SPATA13: variants seen among roughly 807,000 people sequenced by gnomAD.
SPATA13 encodes the protein spermatogenesis associated 13, also known as spermatogenesis-associated protein 13.
A neutral mutation model predicts 104.0 loss-of-function variants in SPATA13; 50 were observed. The observed-to-expected ratio is 0.48, with a 90% confidence interval of 0.38 to 0.61. The LOEUF (loss-of-function observed/expected upper bound fraction) is 0.61, where lower values mean the gene tolerates loss of function less well. Among genes scored for constraint, SPATA13 ranks in the 20% least tolerant of loss-of-function variants. The pLI is 0.00. For missense variants in SPATA13, 1,524 were observed against 1,690.6 expected (o/e 0.90, Z 1.73); for synonymous variants, 606 against 667.5 (o/e 0.91, Z 1.42).
intron 3 of SPATA13, among the ~76,000 whole-genome samples, chr13:24,030,918 T>G (rs1877450938): frequency 6.6e-6 from 1 of 152,170 alleles, no homozygotes; most frequent in Non-Finnish European, 1.5e-5. Flanking sequence ...CCCTGAGATT[T>G]TAAAAGGTTA....
At position 24,104,754 on chromosome 13, in the gene SPATA13, G is replaced by T. The variant is rs138143126; in HGVS notation, c.-112+87053G>T. 8.3e-4 allele frequency among the ~76,000 whole-genome samples: 126 copies of T among 152,342 alleles called. 2 individuals carry two copies. Among genetic ancestry groups the T allele is most frequent in the Middle Eastern group, 6.8e-3 (2 of 294 alleles). On this transcript the variant is annotated intron_variant, in intron 3 of 14. Transcript: ENST00000424834. ...TGCTTTGCACATAGTAAGTGCCATA[G>T]ATTTTGATATAATAACTTGTTAGTT...
chr13:24,165,581 C>G (rs553511037), intron 1 of SPATA13, among the ~76,000 whole-genome samples: 1 of 152,086 alleles, frequency 6.6e-6, no homozygotes, highest in East Asian at 1.9e-4. Flanking sequence ...GGTTGCACCC[C>G]CCACCCACCC....
At chr13:24,107,774 A>T (rs58617156) in intron 3 of SPATA13, among the ~76,000 whole-genome samples, 14,780 of 152,082 alleles carry the variant, frequency 0.097, 905 homozygotes, top group African/African-American at 0.17. Flanking sequence ...TCTGTTTTAG[A>T]CTTTGGTGGG....
chr13:24,180,262 T>C (rs1868714217), intron 1 of SPATA13, among the ~76,000 whole-genome samples: 1 of 152,210 alleles, frequency 6.6e-6, no homozygotes, highest in Non-Finnish European at 1.5e-5. Context: ...TCTTTCACCA[T>C]TGAATGGTCT....
chr13:24,284,762 A>G (rs1875801204), intron 5 of SPATA13, among the ~76,000 whole-genome samples: 1 of 152,210 alleles, frequency 6.6e-6, no homozygotes, highest in Non-Finnish European at 1.5e-5. Flanking sequence ...TTTTTAGGTA[A>G]GGAACAGCAG....
At chr13:23,999,466 A>T (rs1428946127) in intron 2 of SPATA13, among the ~76,000 whole-genome samples, 1 of 151,994 alleles carries the variant, frequency 6.6e-6, no homozygotes, top group Non-Finnish European at 1.5e-5. Context: ...AACAATATTG[A>T]ATCTTCCAAC....
At chr13:24,042,940 A>G (rs1468371718) in intron 3 of SPATA13, among the ~76,000 whole-genome samples, 2 of 152,262 alleles carry the variant, frequency 1.3e-5, no homozygotes, top group East Asian at 3.8e-4. Context: ...ATGCAAATGT[A>G]TAAAAATACC....
intron 1 of SPATA13, among the ~76,000 whole-genome samples, chr13:24,162,663 G>A (rs1566127289): frequency 6.6e-6 from 1 of 152,246 alleles, no homozygotes; most frequent in East Asian, 1.9e-4. Flanking sequence ...GCCAAGCACT[G>A]TTCTGAGGGC....
intron 1 of SPATA13, among the ~76,000 whole-genome samples, chr13:24,183,639 T>C (rs1868951125): frequency 6.6e-6 from 1 of 151,194 alleles, no homozygotes; most frequent in African/African-American, 2.4e-5. Context: ...CAGCTATCAT[T>C]AGTGTTAGTG....
intron 3 of SPATA13, among the ~76,000 whole-genome samples, chr13:24,085,539 C>G (rs768409085): frequency 1.3e-5 from 2 of 152,196 alleles, no homozygotes; most frequent in African/African-American, 4.8e-5. Context: ...GTGCAGAAAT[C>G]AGCTCAAAGG....
intron 9 of SPATA13, among the ~76,000 whole-genome samples, chr13:24,293,022 A>AAAAAAAAT (rs35053977): frequency 7.4e-6 from 1 of 134,818 alleles, no homozygotes; most frequent in African/African-American, 2.7e-5. Context: ...AAAAAAAAAA[A>AAAAAAAAT]GGCGAGGGTG....
chr13:24,104,148 C>G (rs1321286595), intron 3 of SPATA13, among the ~76,000 whole-genome samples: 1 of 151,902 alleles, frequency 6.6e-6, no homozygotes, highest in Non-Finnish European at 1.5e-5. Flanking sequence ...GTCTGCTCAC[C>G]ACATGTGTAC....
intron 3 of SPATA13, among the ~76,000 whole-genome samples, chr13:24,114,382 C>CGCGTGTGCCTGCATGTGTGCACATGT (rs1566108227): frequency 2.6e-5 from 4 of 152,130 alleles, no homozygotes; most frequent in Admixed American, 2.0e-4. Flanking sequence ...TGTGCACATG[C>CGCGTGTGCCTGCATGTGTGCACATGT]GCGTGTGTGT....
chr13:24,105,174 G>A (rs548247935), intron 3 of SPATA13, among the ~76,000 whole-genome samples: 1 of 152,306 alleles, frequency 6.6e-6, no homozygotes, highest in African/African-American at 2.4e-5. Context: ...CCAGGCTGGA[G>A]TGCAGTGGCA....
intron 3 of SPATA13, among the ~76,000 whole-genome samples, chr13:24,251,227 G>A (rs1209562538): frequency 6.6e-6 from 1 of 152,160 alleles, no homozygotes; most frequent in East Asian, 1.9e-4. Context: ...TCCTTACTGA[G>A]GGCTCATCTA....
chr13:24,195,353 G>C (rs1025189985), intron 1 of SPATA13, among the ~76,000 whole-genome samples: 1 of 152,192 alleles, frequency 6.6e-6, no homozygotes, highest in Non-Finnish European at 1.5e-5. Flanking sequence ...CCGTGCATCG[G>C]TTGATGGGTA....
At chr13:24,073,506 G>A (rs1039193623) in intron 3 of SPATA13, among the ~76,000 whole-genome samples, 1 of 152,254 alleles carries the variant, frequency 6.6e-6, no homozygotes, top group Non-Finnish European at 1.5e-5. Context: ...GCTGAGGCAT[G>A]CAGTTCTTGG....
chr13:24,097,044 G>A (rs903538212), intron 3 of SPATA13, among the ~76,000 whole-genome samples: 3 of 152,224 alleles, frequency 2.0e-5, no homozygotes, highest in African/African-American at 7.2e-5. Context: ...GCAGAAATTC[G>A]AGGAGAAACA....
chr13:24,106,394 A>G (rs897841983), intron 3 of SPATA13, among the ~76,000 whole-genome samples: 1 of 152,196 alleles, frequency 6.6e-6, no homozygotes, highest in Admixed American at 6.5e-5. Context: ...AGAAACCAAA[A>G]GTTATTTTTC....
Sources: allele counts gnomAD v4.1 joint callset (sites outside exome capture counted in the v4.1 genomes callset), GRCh38; gene constraint gnomAD v4.1.1; transcripts MANE v1.5; gene names NCBI Gene and HGNC (gene_info 2026-07-23, HGNC 2026-07-21).